Variants in FRMD3 observed in about 807,000 individuals in gnomAD.
FRMD3 encodes the protein FERM domain containing 3, also known as FERM domain-containing protein 3.
A neutral mutation model predicts 70.2 loss-of-function variants in FRMD3; 33 were observed. The ratio of observed to expected loss-of-function variants is 0.47; its 90% confidence interval spans 0.36 to 0.63. FRMD3 has a LOEUF of 0.63. Among genes scored for constraint, FRMD3 ranks in the 20% least tolerant of loss-of-function variants. The probability of loss-of-function intolerance (pLI) is 0.00; values close to 1 mark genes in which losing one functional copy is unlikely to be tolerated. For missense variants in FRMD3, 632 were observed against 711.4 expected, an observed-to-expected ratio of 0.89 and a Z score of 1.27; for synonymous variants, 279 against 255.9, an observed-to-expected ratio of 1.09 and a Z score of -0.86.
At chr9:83,488,276 C>A (rs960497083) in intron 1 of FRMD3, among the ~76,000 whole-genome samples, 1 of 152,148 alleles carries the variant, frequency 6.6e-6, no homozygotes, top group Non-Finnish European at 1.5e-5. Flanking sequence ...AGAGGTAATG[C>A]GCTAATGCAC....
At chr9:83,480,763 G>A (rs1828549593) in intron 1 of FRMD3, among the ~76,000 whole-genome samples, 1 of 152,096 alleles carries the variant, frequency 6.6e-6, no homozygotes, top group African/African-American at 2.4e-5. Context: ...ACAAAGTGCT[G>A]GGATTACAGG....
At chr9:83,490,796 TCTCACACACACACA>T (rs1401221156) in intron 1 of FRMD3, among the ~76,000 whole-genome samples, 3 of 111,958 alleles carry the variant, frequency 2.7e-5, no homozygotes, top group African/African-American at 1.1e-4. Flanking sequence ...TCTCTCTCTC[TCTCACACACACACA>T]CACACACACA....
chr9:83,295,565 T>G (rs914716802), intron 12 of FRMD3, among the ~76,000 whole-genome samples: 1 of 152,208 alleles, frequency 6.6e-6, no homozygotes, highest in Admixed American at 6.5e-5. Flanking sequence ...TTGGGCAAAG[T>G]GATGTTGTAA....
upstream of FRMD3, among the ~76,000 whole-genome samples, chr9:83,541,604 G>A (rs145952559): frequency 7.6e-4 from 116 of 152,322 alleles, no homozygotes; most frequent in Admixed American, 1.5e-3. Context: ...GCAAGAGATG[G>A]TTGTGAAAGA....
the FRMD3 span, among the ~76,000 whole-genome samples, chr9:83,583,622 T>A: frequency 2.6e-5 from 4 of 151,966 alleles, no homozygotes; most frequent in East Asian, 1.9e-4. Context: ...GAAAAAAAAA[T>A]TTTTGAGACA....
chr9:83,559,334 C>A, the FRMD3 span, among the ~76,000 whole-genome samples: 2 of 152,292 alleles, frequency 1.3e-5, no homozygotes, highest in Admixed American at 6.5e-5. Flanking sequence ...CATTTTTTAG[C>A]AATGAAGTAT....
chr9:83,295,960 T>G (rs1834645389), intron 12 of FRMD3, among the ~76,000 whole-genome samples: 2 of 152,224 alleles, frequency 1.3e-5, no homozygotes, highest in Non-Finnish European at 2.9e-5. Flanking sequence ...AGTCTGCTTC[T>G]GTTTCTCTAC....
chr9:83,396,993 T>A (rs889408061), intron 1 of FRMD3, among the ~76,000 whole-genome samples: 1 of 152,114 alleles, frequency 6.6e-6, no homozygotes, highest in Non-Finnish European at 1.5e-5. Context: ...CTCTTTGTTC[T>A]GCTGTGTTCT....
chr9:83,432,146 A>C (rs1289455017), intron 1 of FRMD3, among the ~76,000 whole-genome samples: 1 of 152,118 alleles, frequency 6.6e-6, no homozygotes, highest in Non-Finnish European at 1.5e-5. Context: ...AAAACACGGC[A>C]TTGCAAGAGT....
At chr9:83,389,935 C>G (rs1437324057) in intron 1 of FRMD3, among the ~76,000 whole-genome samples, 1 of 152,050 alleles carries the variant, frequency 6.6e-6, no homozygotes, top group East Asian at 1.9e-4. Context: ...CACACGGAAC[C>G]AAAAGGACCC....
chr9:83,396,908 G>A (rs1825824495), intron 1 of FRMD3, among the ~76,000 whole-genome samples: 2 of 152,202 alleles, frequency 1.3e-5, no homozygotes, highest in Non-Finnish European at 2.9e-5. Context: ...AGCTAAGAGA[G>A]AACAGTAATG....
chr9:83,533,484 C>G (rs1294363080), intron 1 of FRMD3, among the ~76,000 whole-genome samples: 8 of 152,122 alleles, frequency 5.3e-5, no homozygotes. Context: ...AAAATTGACT[C>G]CAAATGTCAA....
intron 1 of FRMD3, among the ~76,000 whole-genome samples, chr9:83,520,502 T>C (rs987450048): frequency 1.3e-5 from 2 of 152,320 alleles, no homozygotes; most frequent in South Asian, 4.1e-4. Flanking sequence ...CACTGTCCAG[T>C]GTGGTAGCCA....
At chr9:83,507,693 T>TAC (rs1441649262) in intron 1 of FRMD3, among the ~76,000 whole-genome samples, 2 of 27,224 alleles carry the variant, frequency 7.3e-5, no homozygotes, top group Non-Finnish European at 1.3e-4. Context: ...TATACATACA[T>TAC]ATATATATAT....
the FRMD3 span, among the ~76,000 whole-genome samples, chr9:83,544,966 G>GA: frequency 1.3e-5 from 2 of 151,860 alleles, no homozygotes; most frequent in African/African-American, 4.8e-5. Context: ...CCAGCAGCAT[G>GA]AAAAAAAGAG....
intron 1 of FRMD3, among the ~76,000 whole-genome samples, chr9:83,413,891 CTATTA>C (rs1826348673): frequency 6.6e-6 from 1 of 152,138 alleles, no homozygotes; most frequent in South Asian, 2.1e-4. Context: ...CAGGCATTGT[CTATTA>C]TATTACCCAA....
chr9:83,536,930 TA>T (rs142272516), intron 1 of FRMD3, among the ~76,000 whole-genome samples: 4,450 of 60,722 alleles, frequency 0.073, 106 homozygotes, highest in East Asian at 0.12. Context: ...TGTATTACAC[TA>T]AAAAAAAAAA....
chr9:83,377,362 A>C (rs1353454772), intron 2 of FRMD3, among the ~76,000 whole-genome samples: 2 of 152,132 alleles, frequency 1.3e-5, no homozygotes. Flanking sequence ...ACCAAAGAAA[A>C]CCATGACTTC....
intron 3 of FRMD3, among the ~76,000 whole-genome samples, chr9:83,368,763 T>G (rs1212336968): frequency 1.3e-5 from 2 of 152,346 alleles, no homozygotes; most frequent in Admixed American, 6.5e-5. Context: ...ACATTTTGTG[T>G]CATTAGATTT....
Sources: allele counts gnomAD v4.1 joint callset (sites outside exome capture counted in the v4.1 genomes callset), GRCh38; gene constraint gnomAD v4.1.1; transcripts MANE v1.5; gene names NCBI Gene and HGNC (gene_info 2026-07-23, HGNC 2026-07-21).